The following SYNE1 variants were observed in gnomAD, a reference collection of about 807,000 sequenced individuals.
SYNE1 encodes the protein spectrin repeat containing nuclear envelope protein 1, also known as nesprin-1.
A neutral mutation model predicts 1,111.0 loss-of-function variants in SYNE1; 616 were observed. The ratio of observed to expected loss-of-function variants is 0.55; its 90% CI spans 0.52 to 0.59. The LOEUF is 0.59. Ranked by LOEUF, SYNE1 falls within the 20% of genes least tolerant of loss-of-function variation. The pLI, the probability that SYNE1 is intolerant of heterozygous loss-of-function variation, is 0.00. For synonymous variants in SYNE1, 3,855 were observed against 3,825.8 expected (o/e 1.01, Z -0.28); for missense variants, 10,006 against 10,417.0 (o/e 0.96, Z 1.72).
chr6:152,428,174 G>A (rs2154198400), intron 37 of SYNE1, 31 bp downstream of exon 37: 2 of 1,610,496 alleles, frequency 1.2e-6, no homozygotes, highest in Non-Finnish European at 1.7e-6. Context: ...CTATTTAGTA[G>A]TGCAGCAACT....
intron 126 of SYNE1, among the ~76,000 whole-genome samples, chr6:152,204,365 C>CAA (rs57252682): frequency 3.3e-5 from 3 of 89,794 alleles, no homozygotes; most frequent in African/African-American, 3.3e-5. Flanking sequence ...GACTCTATGT[C>CAA]AAAAAAAAAA....
At chr6:152,262,226 A>G (rs1447753776) in intron 100 of SYNE1, 38 bp from the exon 101 acceptor site, 5 of 1,595,804 alleles carry the variant, frequency 3.1e-6, no homozygotes, top group Middle Eastern at 3.3e-4. Context: ...TACAATGTGC[A>G]CAAAAAAGTG....
At chr6:152,344,784 C>T (rs2096602126) in intron 73 of SYNE1, among the ~76,000 whole-genome samples, 2 of 152,160 alleles carry the variant, frequency 1.3e-5, no homozygotes, top group Non-Finnish European at 2.9e-5. Flanking sequence ...AAAAATAATC[C>T]AGAATAATTC....
At chr6:152,438,486 C>A (rs2098497250) in intron 32 of SYNE1, among the ~76,000 whole-genome samples, 1 of 152,058 alleles carries the variant, frequency 6.6e-6, no homozygotes, top group Admixed American at 6.5e-5. Context: ...ATTGTAAGGC[C>A]TTATCTCTAA....
At chr6:152,141,106 G>C in intron 139 of SYNE1, 97 bp downstream of exon 139, 1 of 1,542,068 alleles carries the variant, frequency 6.5e-7, no homozygotes, top group South Asian at 1.1e-5. Context: ...GAACGGTGTA[G>C]AAGAAGGCCA....
intron 14 of SYNE1, among the ~76,000 whole-genome samples, chr6:152,475,881 T>C (rs2098831781): frequency 6.6e-6 from 1 of 152,190 alleles, no homozygotes; most frequent in South Asian, 2.1e-4. Context: ...TCAGCTGCAT[T>C]TTAAGGATCA....
intron 127 of SYNE1, among the ~76,000 whole-genome samples, chr6:152,191,178 T>C (rs2072198909): frequency 1.3e-5 from 2 of 152,194 alleles, no homozygotes; most frequent in Admixed American, 1.3e-4. Context: ...TTTGCTATTA[T>C]TTTAATGAAT....
intron 119 of SYNE1, among the ~76,000 whole-genome samples, chr6:152,219,540 G>C (rs2079603100): frequency 6.7e-6 from 1 of 150,162 alleles, no homozygotes; most frequent in African/African-American, 2.4e-5. Context: ...CCAATAACTG[G>C]AAATATTTTG....
intron 91 of SYNE1, among the ~76,000 whole-genome samples, chr6:152,303,093 T>C (rs1048294296): frequency 2.2e-5 from 3 of 134,554 alleles, no homozygotes; most frequent in Admixed American, 8.5e-5. Context: ...TACAAAACTA[T>C]TATTCTTTTT....
rs1270266905 is a variant in SYNE1 at position 152,359,392 on chromosome 6, T to C, written c.10366A>G (p.Met3456Val). The C allele has an allele frequency of 1.2e-6, 2 of 1,614,092 alleles. No individual in the cohort carries two copies. Among genetic ancestry groups the C allele is most frequent in the Admixed American group, 1.7e-5 (1 of 60,012 alleles). Residue 3456 changes from methionine (M) to valine (V), a missense_variant, in exon 65 of 146, where the codon ATG (methionine) becomes GTG (valine). Transcript: ENST00000367255. ...LETIEVKGAG[M>V]TEHYVTQLEL... is the part of the protein sequence containing the mutation. ...AGCTGGGTGACATAGTGTTCTGTCA[T>C]GCCAGCCCCTTTGACTTCGATGGTC...
At chr6:152,229,703 C>T (rs2082327259) in intron 115 of SYNE1, among the ~76,000 whole-genome samples, 1 of 152,000 alleles carries the variant, frequency 6.6e-6, no homozygotes, top group Non-Finnish European at 1.5e-5. Context: ...ACATGGCACC[C>T]ATCAACAGCT....
intron 44 of SYNE1, among the ~76,000 whole-genome samples, chr6:152,408,216 G>C (rs1056722891): frequency 6.6e-6 from 1 of 152,132 alleles, no homozygotes; most frequent in Non-Finnish European, 1.5e-5. Flanking sequence ...TAGAAGGAGG[G>C]CAACAGAATC....
intron 18 of SYNE1, 122 bp from the exon 19 acceptor site, chr6:152,463,639 C>T: frequency 1.1e-6 from 1 of 882,682 alleles, no homozygotes; most frequent in South Asian, 1.5e-5. Flanking sequence ...TAAGATAAAT[C>T]ACAAATCTCT....
rs769649801 is a variant in SYNE1 at position 152,502,752 on chromosome 6, C to CA, written c.779-11dup. Reference sequence around the variant, plus strand: ...TTATCCACATCAACGTCTGAAAAAACAAAAAAGAAATGTGAATAAACTAAT... The same window carrying CA: ...TTATCCACATCAACGTCTGAAAAAACAAAAAAAGAAATGTGAATAAACTAAT... On this transcript the variant is annotated splice_polypyrimidine_tract_variant and intron_variant, in intron 9 of 145. Coordinates refer to ENST00000367255, the MANE Select transcript of SYNE1 (RefSeq NM_182961.4). 13 of 1,580,804 alleles carry CA rather than the reference C, an allele frequency of 8.2e-6. No individual in the cohort carries two copies. Among genetic ancestry groups the CA allele is most frequent in the Middle Eastern group, 1.7e-4 (1 of 6,008 alleles).
chr6:152,325,623 A>AT (rs1255047453), intron 80 of SYNE1, among the ~76,000 whole-genome samples: 2 of 152,110 alleles, frequency 1.3e-5, no homozygotes, highest in African/African-American at 4.8e-5. Flanking sequence ...AGTATGTTAC[A>AT]TTTTTTCCTT....
Position 152,526,281 on chromosome 6 carries a change from G to A in SYNE1, c.130-106C>T, listed in dbSNP as rs553130362. On this transcript the variant is annotated intron_variant, in intron 4 of 145. Transcript: ENST00000367255. ...TTATGGTGGTGAAATTTGTAGGAGA[G>A]GCTTCTATATACTTTAATTCTTTAT... The A allele has an allele frequency of 3.6e-5, 40 of 1,103,020 alleles. No individual in the cohort carries two copies. In the Admixed American group the frequency reaches 6.4e-4, roughly 18 times the overall value. The allele number at this position is 1,103,020 out of a possible 1,614,324, so 68.3% of individuals were successfully genotyped here.
intron 38 of SYNE1, among the ~76,000 whole-genome samples, chr6:152,426,437 T>C (rs139931617): frequency 1.3e-5 from 2 of 152,320 alleles, no homozygotes; most frequent in East Asian, 1.9e-4. Context: ...GAGGTAGGAA[T>C]GCACAAGTCA....
At position 152,159,541 on chromosome 6, in the gene SYNE1, G is replaced by A. The variant is rs77498828; in HGVS notation, c.23791-3444C>T. ...AAGAAAGCAGCATGTTTTCCACCCCGGAGTTCACCTGTTCAGGAGCAACCA... is the reference window on the plus strand; with the variant it reads ...AAGAAAGCAGCATGTTTTCCACCCCAGAGTTCACCTGTTCAGGAGCAACCA... On this transcript the variant is annotated intron_variant, in intron 131 of 145. Transcript: ENST00000367255. 8.5e-5 allele frequency among the ~76,000 whole-genome samples: 13 copies of A among 152,250 alleles called. No homozygotes were observed. In the East Asian group the frequency reaches 1.7e-3, roughly 20 times the overall value.
chr6:152,403,950 C>T (rs750586853), intron 46 of SYNE1, among the ~76,000 whole-genome samples: 1 of 151,644 alleles, frequency 6.6e-6, no homozygotes, highest in Non-Finnish European at 1.5e-5. Flanking sequence ...CTGATACAAT[C>T]CACATGTTTC....
Sources: allele counts gnomAD v4.1 joint callset (sites outside exome capture counted in the v4.1 genomes callset), GRCh38; gene constraint gnomAD v4.1.1; transcripts MANE v1.5; gene names NCBI Gene and HGNC (gene_info 2026-07-23, HGNC 2026-07-21).